The following WWOX variants were observed in gnomAD, a reference collection of about 807,000 sequenced individuals.
The protein encoded by WWOX is WW domain-containing oxidoreductase.
In WWOX, 69 loss-of-function variants were observed where a neutral mutation model predicts 46.2. The ratio of observed to expected loss-of-function variants is 1.49; its 90% CI spans 1.23 to 1.82. The LOEUF (loss-of-function observed/expected upper bound fraction) is 1.82, where lower values mean the gene tolerates loss of function less well. Ranked by LOEUF, WWOX falls within the 40% of genes most tolerant of loss-of-function variation. The pLI, the probability that WWOX is intolerant of heterozygous loss-of-function variation, is 0.00. For missense variants in WWOX, 919 were observed against 542.6 expected (o/e 1.69, Z -6.89); for synonymous variants, 359 against 202.6 (o/e 1.77, Z -6.56).
At chr16:78,254,662 C>T (rs769349779) in intron 5 of WWOX, among the ~76,000 whole-genome samples, 17 of 151,764 alleles carry the variant, frequency 1.1e-4, no homozygotes, top group Non-Finnish European at 2.1e-4. Context: ...CCTGAGCACC[C>T]GGGTGCATGC....
intron 5 of WWOX, among the ~76,000 whole-genome samples, chr16:78,311,595 A>T (rs7188259): frequency 0.1 from 15,767 of 152,266 alleles, 884 homozygotes; most frequent in East Asian, 0.15. Context: ...ATACATGTGC[A>T]GAAATGCAGA....
At chr16:78,879,917 C>G (rs1225366442) in intron 8 of WWOX, among the ~76,000 whole-genome samples, 1 of 151,876 alleles carries the variant, frequency 6.6e-6, no homozygotes, top group African/African-American at 2.4e-5. Flanking sequence ...TCCTAACAGT[C>G]TGGAATCTCT....
intron 8 of WWOX, chr16:79,106,496 T>C (rs1029634852): frequency 2.0e-5 from 3 of 152,042 alleles, no homozygotes; most frequent in African/African-American, 7.2e-5. Context: ...TACGCAAACT[T>C]TGGAGTATGA....
chr16:79,171,449 A>G (rs1011433864), intron 8 of WWOX, among the ~76,000 whole-genome samples: 2 of 152,196 alleles, frequency 1.3e-5, no homozygotes, highest in Admixed American at 1.3e-4. Flanking sequence ...GGTGGTTTAT[A>G]AGAAGTTTTT....
intron 8 of WWOX, among the ~76,000 whole-genome samples, chr16:78,655,707 C>G (rs1181043525): frequency 6.6e-6 from 1 of 152,106 alleles, no homozygotes; most frequent in Non-Finnish European, 1.5e-5. Context: ...TAATTATTTA[C>G]TATTTCCTGG....
chr16:78,766,678 T>G (rs1296743881), intron 8 of WWOX, among the ~76,000 whole-genome samples: 1 of 152,220 alleles, frequency 6.6e-6, no homozygotes, highest in Non-Finnish European at 1.5e-5. Context: ...TAATCAAGTT[T>G]GTTAGACTTG....
At chr16:78,623,370 A>G (rs2046234585) in intron 8 of WWOX, among the ~76,000 whole-genome samples, 3 of 152,116 alleles carry the variant, frequency 2.0e-5, no homozygotes, top group South Asian at 2.1e-4. Flanking sequence ...TGGGAATTTG[A>G]TGATCTTATA....
intron 5 of WWOX, among the ~76,000 whole-genome samples, chr16:78,187,401 G>A (rs778562424): frequency 7.6e-4 from 115 of 152,138 alleles, no homozygotes; most frequent in Non-Finnish European, 1.5e-3. Context: ...ACTTGAGGTC[G>A]GGAGTTCTAG....
intron 5 of WWOX, among the ~76,000 whole-genome samples, chr16:78,383,752 G>A (rs143147298): frequency 2.1e-4 from 32 of 152,214 alleles, no homozygotes; most frequent in African/African-American, 7.7e-4. Context: ...CCATTTCTCA[G>A]GATTGGTAGC....
intron 8 of WWOX, among the ~76,000 whole-genome samples, chr16:78,923,169 C>T (rs563678223): frequency 1.1e-4 from 16 of 151,800 alleles, no homozygotes; most frequent in Admixed American, 2.6e-4. Flanking sequence ...TTAGTAGAGA[C>T]GGGGTTTCTC....
rs149925137 is a variant in WWOX, at chr16:79,095,095, C to T, written c.1057-116513C>T. Among the ~76,000 whole-genome samples, 4 of 152,262 alleles carry T rather than the reference C, an allele frequency of 2.6e-5. No individual in the cohort carries two copies. The East Asian group carries it at 7.7e-4, about 29-fold the overall frequency. On this transcript the variant is annotated intron_variant, in intron 8 of 8. Coordinates refer to ENST00000566780, the MANE Select transcript of WWOX (RefSeq NM_016373.4). ...TCTTGGATATTCTCTGCCCCAGCCC[C>T]GTTCTATTGCAAAGGAGGCTTCTCT...
At chr16:78,267,381 ACT>A (rs1379577978) in intron 5 of WWOX, among the ~76,000 whole-genome samples, 5 of 152,302 alleles carry the variant, frequency 3.3e-5, no homozygotes, top group Admixed American at 6.5e-5. Flanking sequence ...AAAATGAATC[ACT>A]CTGACTTTTC....
chr16:78,552,744 ATTCTTTATTCC>A (rs964471304), intron 8 of WWOX: 8 of 152,344 alleles, frequency 5.3e-5, no homozygotes, highest in African/African-American at 1.9e-4. Flanking sequence ...TTAATTACTC[ATTCTTTATTCC>A]TTCTTCATTC....
At chr16:78,134,738 TTAA>T (rs1327967247) in intron 4 of WWOX, among the ~76,000 whole-genome samples, 1 of 152,226 alleles carries the variant, frequency 6.6e-6, no homozygotes, top group Non-Finnish European at 1.5e-5. Context: ...TTGTTTGCAA[TTAA>T]TGGCAGGAGA....
chr16:78,686,869 C>G (rs2047873634), intron 8 of WWOX, among the ~76,000 whole-genome samples: 1 of 152,134 alleles, frequency 6.6e-6, no homozygotes, highest in Admixed American at 6.5e-5. Flanking sequence ...CAGTGTTCTT[C>G]TTTTCAAAAG....
In WWOX at chr16:78,457,287, G is replaced by A. The variant is rs529269238; in HGVS notation, c.1056+24535G>A. ...CTCTCCTGCAAATATTCCATTGCAC[G>A]ACTTTAAATAAAGCAGCAAGAAGTC... On this transcript the variant is annotated intron_variant, in intron 8 of 8. Coordinates refer to ENST00000566780, the MANE Select transcript of WWOX (RefSeq NM_016373.4). 5.9e-5 allele frequency among the ~76,000 whole-genome samples: 9 copies of A among 152,242 alleles called. No individual in the cohort carries two copies. The South Asian group carries it at 1.9e-3, about 32-fold the overall frequency.
intron 5 of WWOX, among the ~76,000 whole-genome samples, chr16:78,291,322 C>G (rs2079853579): frequency 6.6e-6 from 1 of 152,182 alleles, no homozygotes; most frequent in African/African-American, 2.4e-5. Flanking sequence ...CTGCATTTCA[C>G]AGTGTTGGCG....
chr16:78,653,485 G>C (rs749796144), intron 8 of WWOX, among the ~76,000 whole-genome samples: 2 of 152,246 alleles, frequency 1.3e-5, no homozygotes, highest in Non-Finnish European at 2.9e-5. Flanking sequence ...ATGTGACCCA[G>C]TTCTGACCAA....
At chr16:78,618,451 C>G (rs1396298863) in intron 8 of WWOX, among the ~76,000 whole-genome samples, 1 of 152,264 alleles carries the variant, frequency 6.6e-6, no homozygotes, top group Middle Eastern at 3.4e-3. Context: ...ACATGGTCTT[C>G]CCTCTGTGTG....
Sources: allele counts gnomAD v4.1 joint callset (sites outside exome capture counted in the v4.1 genomes callset), GRCh38; gene constraint gnomAD v4.1.1; transcripts MANE v1.5; gene names NCBI Gene and HGNC (gene_info 2026-07-23, HGNC 2026-07-21).